KAZN: variants seen among roughly 807,000 people sequenced by gnomAD.
KAZN encodes the protein kazrin, periplakin interacting protein.
Under a neutral mutation model 87.4 loss-of-function variants are expected in KAZN, and 40 were observed. The ratio of observed to expected loss-of-function variants is 0.46; its 90% confidence interval spans 0.36 to 0.60. The LOEUF is 0.60. Among genes scored for constraint, KAZN ranks in the 20% least tolerant of loss-of-function variants. The probability of loss-of-function intolerance (pLI) is 0.00; values close to 1 mark genes in which losing one functional copy is unlikely to be tolerated. For missense variants in KAZN, 898 were observed against 1,073.9 expected, an observed-to-expected ratio of 0.84 and a Z score of 2.29; for synonymous variants, 466 against 458.3, an observed-to-expected ratio of 1.02 and a Z score of -0.22.
At chr1:14,594,782 C>T (rs892606678), upstream of KAZN, among the ~76,000 whole-genome samples, 2 of 152,228 alleles carry the variant, frequency 1.3e-5, no homozygotes, top group African/African-American at 2.4e-5. Flanking sequence ...GCGGTAAACG[C>T]CTATCAGCCC....
At chr1:14,479,227 G>C (rs1438614728) in intron 2 of KAZN, among the ~76,000 whole-genome samples, 1 of 152,198 alleles carries the variant, frequency 6.6e-6, no homozygotes, top group Non-Finnish European at 1.5e-5. Context: ...CCAGAGGTGA[G>C]TCTGAATTCC....
chr1:14,833,087 CTTT>C (rs1477650758), intron 1 of KAZN, among the ~76,000 whole-genome samples: 1 of 152,118 alleles, frequency 6.6e-6, no homozygotes, highest in Non-Finnish European at 1.5e-5. Context: ...ATTTACTCAT[CTTT>C]ATAGAAGAAG....
At chr1:14,546,490 TC>T (rs1423290217) in intron 2 of KAZN, among the ~76,000 whole-genome samples, 1 of 151,738 alleles carries the variant, frequency 6.6e-6, no homozygotes. Context: ...GAAGAGCCTT[TC>T]CCCAGTTCTA....
intron 13 of KAZN, among the ~76,000 whole-genome samples, chr1:15,108,353 G>A (rs575849579): frequency 5.5e-4 from 84 of 152,366 alleles, no homozygotes; most frequent in Non-Finnish European, 9.0e-4. Flanking sequence ...GCCCAGAGGC[G>A]TGGGCCTGTG....
intron 2 of KAZN, among the ~76,000 whole-genome samples, chr1:14,484,500 C>T (rs1178539924): frequency 1.3e-5 from 2 of 152,230 alleles, no homozygotes; most frequent in South Asian, 2.1e-4. Context: ...ATTCTGTGCT[C>T]ATACTTCTTC....
At chr1:14,751,286 G>A (rs1290164157) in intron 1 of KAZN, among the ~76,000 whole-genome samples, 1 of 152,154 alleles carries the variant, frequency 6.6e-6, no homozygotes. Flanking sequence ...ATACGTACAT[G>A]TGAATTGAAT....
intron 1 of KAZN, among the ~76,000 whole-genome samples, chr1:14,607,492 G>A (rs1017901599): frequency 4.6e-5 from 7 of 152,156 alleles, no homozygotes; most frequent in Non-Finnish European, 7.3e-5. Flanking sequence ...TCTAATGTTG[G>A]CATTGTGGCA....
chr1:14,104,537 G>A (rs553817706), intron 1 of KAZN, among the ~76,000 whole-genome samples: 1 of 152,310 alleles, frequency 6.6e-6, no homozygotes, highest in African/African-American at 2.4e-5. Flanking sequence ...CATCTTCCAA[G>A]GTAGAAAACC....
At chr1:15,093,852 T>C (rs1640678082) in intron 8 of KAZN, among the ~76,000 whole-genome samples, 1 of 152,254 alleles carries the variant, frequency 6.6e-6, no homozygotes, top group African/African-American at 2.4e-5. Context: ...CAGGTTTGTG[T>C]GACCCAGTTC....
rs150983679 is a variant in KAZN at position 14,483,365 on chromosome 1, C to T, written c.250-115618C>T. 3.4e-3 allele frequency among the ~76,000 whole-genome samples: 515 copies of T among 152,186 alleles called. 2 individuals carry two copies. Among genetic ancestry groups the T allele is most frequent in the Non-Finnish European group, 4.5e-3 (309 of 68,010 alleles). On this transcript the variant is annotated intron_variant, in intron 2 of 16. Transcript: ENST00000636203. ...AAACATCAGCAAGAGGGCCCATTAC[C>T]GAAAGTGAGGGACTTACAGCATCAG...
intron 2 of KAZN, among the ~76,000 whole-genome samples, chr1:14,264,325 T>C (rs892841025): frequency 3.3e-5 from 5 of 152,226 alleles, no homozygotes; most frequent in African/African-American, 1.2e-4. Flanking sequence ...CTCACATTCC[T>C]TCTCATGCTT....
chr1:14,736,916 T>G (rs1338458232), intron 1 of KAZN, among the ~76,000 whole-genome samples: 2 of 152,122 alleles, frequency 1.3e-5, no homozygotes, highest in Non-Finnish European at 2.9e-5. Flanking sequence ...TTCTAAGGGC[T>G]GAGGATATAG....
Position 14,698,151 on chromosome 1 carries a change from C to T in KAZN, c.226+98928C>T, listed in dbSNP as rs374907431. Among the ~76,000 whole-genome samples, 8 of 152,330 alleles carry T rather than the reference C, an allele frequency of 5.3e-5. No individual in the cohort carries two copies. In the East Asian group the frequency reaches 9.7e-4, roughly 18 times the overall value. On this transcript the variant is annotated intron_variant, in intron 1 of 14. Coordinates refer to ENST00000376030, the MANE Select transcript of KAZN (RefSeq NM_201628.3). ...TTCCTAGGGAACGGGTGTGAATTTC[C>T]ATCTGCAAAATTAGTGACTTTTTTG...
intron 1 of KAZN, among the ~76,000 whole-genome samples, chr1:14,058,512 G>A (rs569846761): frequency 6.6e-6 from 1 of 152,288 alleles, no homozygotes; most frequent in Non-Finnish European, 1.5e-5. Context: ...CAAATCTTTA[G>A]TAAGTGCACA....
intron 2 of KAZN, among the ~76,000 whole-genome samples, chr1:14,422,271 G>T (rs1289152104): frequency 6.6e-6 from 1 of 152,212 alleles, no homozygotes; most frequent in African/African-American, 2.4e-5. Flanking sequence ...GTGGGCTTCC[G>T]TGTTTACTCA....
chr1:14,965,683 TTTTG>T (rs150785875), intron 2 of KAZN, among the ~76,000 whole-genome samples: 19 of 152,332 alleles, frequency 1.2e-4, no homozygotes, highest in African/African-American at 2.4e-4. Flanking sequence ...TCTCTCTGTC[TTTTG>T]TTTGTTTGTT....
chr1:14,205,950 A>AACG (rs1646734906), intron 2 of KAZN, among the ~76,000 whole-genome samples: 1 of 147,376 alleles, frequency 6.8e-6, no homozygotes, highest in Non-Finnish European at 1.5e-5. Flanking sequence ...GCAACACACC[A>AACG]ACGTGGCGCA....
intron 1 of KAZN, among the ~76,000 whole-genome samples, chr1:14,115,367 G>A (rs1310039831): frequency 6.6e-6 from 1 of 152,216 alleles, no homozygotes; most frequent in African/African-American, 2.4e-5. Flanking sequence ...GTTGTGGGAG[G>A]GACCCAGTGG....
In KAZN at chr1:14,769,726, C is replaced by T. The variant is rs12141316; in HGVS notation, c.226+170503C>T. On this transcript the variant is annotated intron_variant, in intron 1 of 14. Coordinates refer to ENST00000376030, the MANE Select transcript of KAZN (RefSeq NM_201628.3). The surrounding 1 kb of genome is among the most constrained non-coding windows in gnomAD (Gnocchi z 4.1). ...TGATTGCGGGAAATTAACACTGGTC[C>T]TTCATTCGTTCATTTAGTCAGCAAA... Among the ~76,000 whole-genome samples the T allele has an allele frequency of 1.3e-5, 2 of 152,112 alleles. No homozygotes were observed. The highest frequency in any genetic ancestry group is 4.8e-5 in the African/African-American group (2 of 41,412).
Sources: gnomAD v4.1 joint callset for allele counts (sites outside exome capture counted in the v4.1 genomes callset) on GRCh38, gnomAD v4.1.1 for gene constraint, Gnocchi (gnomAD v3.1) non-coding constraint, MANE v1.5 for transcripts, NCBI Gene and HGNC (gene_info 2026-07-23, HGNC 2026-07-21) for gene names.